RPTOR: variants seen among roughly 807,000 people sequenced by gnomAD.
RPTOR encodes the protein regulatory associated protein of MTOR complex 1.
Under a neutral mutation model 169.9 loss-of-function variants are expected in RPTOR, and 21 were observed. The ratio of observed to expected loss-of-function variants is 0.12; its 90% CI spans 0.09 to 0.18. RPTOR has a LOEUF of 0.18. Among genes scored for constraint, RPTOR ranks in the 10% least tolerant of loss-of-function variants. RPTOR has a pLI of 1.00. For missense variants in RPTOR, 1,133 were observed against 1,855.9 expected (o/e 0.61, Z 7.16); for synonymous variants, 732 against 753.2 (o/e 0.97, Z 0.46).
At chr17:80,837,107 C>T (rs2067572397) in intron 9 of RPTOR, among the ~76,000 whole-genome samples, 2 of 151,942 alleles carry the variant, frequency 1.3e-5, no homozygotes, top group South Asian at 2.1e-4. Flanking sequence ...GGAAGGAGGC[C>T]GGAGGAGAAA....
intron 3 of RPTOR, among the ~76,000 whole-genome samples, chr17:80,649,323 C>T (rs1407400181): frequency 6.6e-6 from 1 of 152,180 alleles, no homozygotes; most frequent in East Asian, 1.9e-4. Flanking sequence ...GTGAAAATGG[C>T]CCTATAATTG....
chr17:80,613,729 C>T (rs541227074), intron 1 of RPTOR, among the ~76,000 whole-genome samples: 12 of 142,960 alleles, frequency 8.4e-5, no homozygotes, highest in African/African-American at 3.0e-4. Context: ...CGGGCTGGGC[C>T]GCGTGTTGTG....
rs1286281448 is a variant in RPTOR, at chr17:80,964,406, G to A, written c.*76G>A. The A allele has an allele frequency of 9.8e-6, 14 of 1,434,020 alleles. No individual in the cohort carries two copies. Among genetic ancestry groups the A allele is most frequent in the Non-Finnish European group, 7.8e-6 (8 of 1,031,464 alleles). The allele number at this position is 1,434,020 out of a possible 1,614,324, so 88.8% of individuals were successfully genotyped here. The stretch of plus-strand genomic sequence containing the variant: ...GCTGTCACTCGCCGGGGCACGGGGC[G>A]TCGGCTGCTGCGGCCCCGCAGTGTG... On this transcript the variant is annotated 3_prime_UTR_variant, in exon 34 of 34. Coordinates refer to ENST00000306801, the MANE Select transcript of RPTOR (RefSeq NM_020761.3).
At chr17:80,897,548 G>T (rs374548264) in intron 20 of RPTOR, among the ~76,000 whole-genome samples, 2 of 152,210 alleles carry the variant, frequency 1.3e-5, no homozygotes, top group South Asian at 4.1e-4. Context: ...TTACATGATT[G>T]AATTTCTTGT....
intron 20 of RPTOR, among the ~76,000 whole-genome samples, chr17:80,907,715 A>AT (rs2068561311): frequency 6.6e-6 from 1 of 152,148 alleles, no homozygotes; most frequent in Non-Finnish European, 1.5e-5. Flanking sequence ...TCCGTCAGGT[A>AT]TCCCCCAAGG....
chr17:80,952,037 C>T (rs376118320), intron 28 of RPTOR, among the ~76,000 whole-genome samples: 116 of 152,320 alleles, frequency 7.6e-4, no homozygotes, highest in African/African-American at 2.6e-3. Context: ...AATGAGGTCA[C>T]GGTGTCAAGG....
chr17:80,613,908 A>G (rs2065290022), intron 1 of RPTOR, among the ~76,000 whole-genome samples: 1 of 152,264 alleles, frequency 6.6e-6, no homozygotes, highest in South Asian at 2.1e-4. Context: ...CGTCTATCGC[A>G]GCATCATCTC....
At chr17:80,735,115 C>G (rs1160481101) in intron 5 of RPTOR, among the ~76,000 whole-genome samples, 1 of 152,188 alleles carries the variant, frequency 6.6e-6, no homozygotes. Context: ...TCACGTAGCA[C>G]CCCAGGTGTG....
chr17:80,944,147 G>C (rs982704524), intron 25 of RPTOR, among the ~76,000 whole-genome samples: 1 of 152,182 alleles, frequency 6.6e-6, no homozygotes, highest in Non-Finnish European at 1.5e-5. Context: ...CCTAGTGCTC[G>C]TGTTTGGGGG....
rs2068952149 is a variant in RPTOR, at chr17:80,936,120, G to C, written c.2920-4376G>C. Among the ~76,000 whole-genome samples, 1 of 152,156 alleles carries C rather than the reference G, an allele frequency of 6.6e-6. No homozygotes were observed. The highest frequency in any genetic ancestry group is 1.5e-5 in the Non-Finnish European group (1 of 68,034). On this transcript the variant is annotated intron_variant, in intron 24 of 33. Transcript: ENST00000306801. The surrounding 1 kb of genome is among the most constrained non-coding windows in gnomAD (Gnocchi z 4.1). Reference sequence around the variant, plus strand: ...ACATGGAATGATGCTCATTGTTAAGGATCTTAATCACGGGAAAGTACGGAC... The same window carrying C: ...ACATGGAATGATGCTCATTGTTAAGCATCTTAATCACGGGAAAGTACGGAC...
chr17:80,654,131 G>A (rs150401071), intron 3 of RPTOR, among the ~76,000 whole-genome samples: 13 of 152,368 alleles, frequency 8.5e-5, no homozygotes, highest in South Asian at 4.1e-4. Flanking sequence ...GAGAGAGGGT[G>A]CACTTGATCC....
At chr17:80,565,377 C>G (rs1418023535) in intron 1 of RPTOR, among the ~76,000 whole-genome samples, 1 of 152,036 alleles carries the variant, frequency 6.6e-6, no homozygotes, top group Non-Finnish European at 1.5e-5. Context: ...GTTAAGAAGG[C>G]AAAGGGAAGG....
intron 6 of RPTOR, among the ~76,000 whole-genome samples, chr17:80,772,640 G>A (rs1180526433): frequency 2.0e-5 from 3 of 147,588 alleles, no homozygotes; most frequent in Non-Finnish European, 3.0e-5. Flanking sequence ...CCAGCCACAC[G>A]GCTCATCCAA....
chr17:80,846,685 C>A, intron 11 of RPTOR, 111 bp downstream of exon 11: 1 of 834,940 alleles, frequency 1.2e-6, no homozygotes. Flanking sequence ...GGGTCTGTGA[C>A]ATCCCAGCCC....
chr17:80,546,251 TAAC>T (rs2084273105), intron 1 of RPTOR, among the ~76,000 whole-genome samples: 3 of 152,224 alleles, frequency 2.0e-5, no homozygotes, highest in Non-Finnish European at 2.9e-5. Flanking sequence ...GTTCAACTAG[TAAC>T]AAATTAGTGC....
At chr17:80,790,271 C>T (rs367649878) in intron 6 of RPTOR, among the ~76,000 whole-genome samples, 10 of 152,340 alleles carry the variant, frequency 6.6e-5, no homozygotes, top group East Asian at 3.9e-4. Flanking sequence ...GCTCTTTGAA[C>T]GATAAAACAC....
At chr17:80,553,521 G>T (rs1306058912) in intron 1 of RPTOR, among the ~76,000 whole-genome samples, 1 of 152,182 alleles carries the variant, frequency 6.6e-6, no homozygotes, top group Non-Finnish European at 1.5e-5. Context: ...AAGACTTAAA[G>T]ATGTTTCTGG....
chr17:80,923,728 TG>T, intron 23 of RPTOR, 55 bp downstream of exon 23: 2 of 1,473,208 alleles, frequency 1.4e-6, no homozygotes, highest in Non-Finnish European at 1.8e-6. Context: ...GCTTCTCAGA[TG>T]GGGGCTCATG....
At chr17:80,883,321 C>T (rs532193820) in intron 14 of RPTOR, 98 bp from the exon 15 acceptor site, 78 of 1,040,876 alleles carry the variant, frequency 7.5e-5, no homozygotes, top group African/African-American at 1.9e-4. Flanking sequence ...TTATGCGCCA[C>T]GCGTGTCATG....
Sources: gnomAD v4.1 joint callset for allele counts (sites outside exome capture counted in the v4.1 genomes callset) on GRCh38, gnomAD v4.1.1 for gene constraint, Gnocchi (gnomAD v3.1) non-coding constraint, MANE v1.5 for transcripts, NCBI Gene and HGNC (gene_info 2026-07-23, HGNC 2026-07-21) for gene names.